KLF8: variants seen among roughly 807,000 people sequenced by gnomAD.
KLF8 encodes the protein Krueppel-like factor 8.
A neutral mutation model predicts 18.2 loss-of-function variants in KLF8; 10 were observed. The ratio of observed to expected loss-of-function variants is 0.55; its 90% CI spans 0.34 to 0.93. The LOEUF (loss-of-function observed/expected upper bound fraction) is 0.93. Ranked by LOEUF, KLF8 falls within the 40% of genes least tolerant of loss-of-function variation. The pLI is 0.02. For synonymous variants in KLF8, 109 were observed against 97.3 expected (o/e 1.12, Z -0.71); for missense variants, 264 against 277.9 (o/e 0.95, Z 0.36).
At chrX:55,948,930 A>G in the KLF8 span, among the ~76,000 whole-genome samples, 1 of 112,366 alleles carries the variant, frequency 8.9e-6, no homozygotes, top group Non-Finnish European at 1.9e-5. Flanking sequence ...TTATTCTAGC[A>G]ATAATTATTC....
the KLF8 span, among the ~76,000 whole-genome samples, chrX:56,012,706 A>G: frequency 6.3e-5 from 7 of 111,601 alleles, no homozygotes; most frequent in Admixed American, 1.9e-4. Flanking sequence ...CCATCATCTC[A>G]GCCCAAAAGC....
At chrX:55,942,538 A>G in the KLF8 span, among the ~76,000 whole-genome samples, 2 of 111,816 alleles carry the variant, frequency 1.8e-5, no homozygotes, top group Non-Finnish European at 3.8e-5. Flanking sequence ...ATTAATAAAA[A>G]AAGAATCTAG....
chrX:55,923,782 A>G, the KLF8 span, among the ~76,000 whole-genome samples: 1 of 109,177 alleles, frequency 9.2e-6, no homozygotes, highest in African/African-American at 3.4e-5. Flanking sequence ...GTGTGTATGT[A>G]TATATATATA....
the KLF8 span, among the ~76,000 whole-genome samples, chrX:56,076,494 T>C: frequency 9.0e-6 from 1 of 111,413 alleles, no homozygotes; most frequent in Admixed American, 9.5e-5. Context: ...GACTGCATAG[T>C]ATTCCATGGT....
chrX:56,247,496 T>G (rs2066638151), intron 1 of KLF8, among the ~76,000 whole-genome samples: 1 of 112,351 alleles, frequency 8.9e-6, no homozygotes, highest in Non-Finnish European at 1.9e-5. Context: ...AACCTTAGCT[T>G]ACTATAACTT....
At chrX:56,004,972 G>T in the KLF8 span, among the ~76,000 whole-genome samples, 2 of 110,810 alleles carry the variant, frequency 1.8e-5, no homozygotes, top group Admixed American at 9.6e-5. Flanking sequence ...TTAAATTAAT[G>T]ACTGCTAGCC....
chrX:55,973,566 T>C, the KLF8 span, among the ~76,000 whole-genome samples: 1 of 112,220 alleles, frequency 8.9e-6, no homozygotes. Flanking sequence ...AAAGAGGACA[T>C]ACATGCTATC....
chrX:55,925,027 T>A, the KLF8 span, among the ~76,000 whole-genome samples: 3 of 103,837 alleles, frequency 2.9e-5, no homozygotes, highest in South Asian at 1.3e-3. Flanking sequence ...AGCTAATTTT[T>A]TTTTTTTTTT....
chrX:56,196,393 C>A, the KLF8 span, among the ~76,000 whole-genome samples: 2 of 108,975 alleles, frequency 1.8e-5, no homozygotes, highest in Non-Finnish European at 3.8e-5. Context: ...GAAGATTTAC[C>A]AAGCAAATGG....
At chrX:56,162,389 G>A in the KLF8 span, among the ~76,000 whole-genome samples, 13 of 112,238 alleles carry the variant, frequency 1.2e-4, 1 homozygote, top group Middle Eastern at 0.032. Context: ...GAGGCAGGCA[G>A]GCCTCCTTGA....
the KLF8 span, among the ~76,000 whole-genome samples, chrX:56,053,156 C>T: frequency 5.3e-5 from 6 of 112,236 alleles, no homozygotes; most frequent in African/African-American, 9.7e-5. Context: ...CACTGACCTG[C>T]GCCCACTGTC....
the KLF8 span, chrX:55,961,319 G>A: frequency 4.3e-5 from 18 of 419,837 alleles, no homozygotes; most frequent in Middle Eastern, 1.5e-3. Context: ...GTGGAGATGG[G>A]ACTTCCAGAT....
chrX:56,118,270 T>G, the KLF8 span, among the ~76,000 whole-genome samples: 4 of 111,488 alleles, frequency 3.6e-5, no homozygotes, highest in African/African-American at 9.8e-5. Context: ...TGTATATATA[T>G]AAAGCACTTA....
chrX:55,946,195 A>G, the KLF8 span, among the ~76,000 whole-genome samples: 3 of 111,898 alleles, frequency 2.7e-5, no homozygotes, highest in African/African-American at 9.8e-5. Flanking sequence ...CTAAGCCAAA[A>G]GAAGAAAGCT....
chrX:56,162,681 A>C, the KLF8 span, among the ~76,000 whole-genome samples: 1 of 111,496 alleles, frequency 9.0e-6, no homozygotes, highest in African/African-American at 3.3e-5. Flanking sequence ...CCTGTCTTTG[A>C]CTAGGAAAGG....
At chrX:56,140,633 G>A in the KLF8 span, among the ~76,000 whole-genome samples, 2 of 109,576 alleles carry the variant, frequency 1.8e-5, no homozygotes, top group Non-Finnish European at 3.8e-5. Flanking sequence ...GGTGAAGATC[G>A]AAAAACTGCT....
chrX:56,172,888 G>C, the KLF8 span, among the ~76,000 whole-genome samples: 3 of 112,019 alleles, frequency 2.7e-5, no homozygotes, highest in South Asian at 3.7e-4. Context: ...GTGTCTTTTG[G>C]CTGCATAAAT....
chrX:56,076,539 A>G, the KLF8 span, among the ~76,000 whole-genome samples: 2 of 110,967 alleles, frequency 1.8e-5, no homozygotes, highest in Non-Finnish European at 3.8e-5. Flanking sequence ...CCAGTCTATC[A>G]TTGTTGGACA....
the KLF8 span, among the ~76,000 whole-genome samples, chrX:55,940,448 T>A: frequency 7.2e-5 from 8 of 111,834 alleles, no homozygotes; most frequent in African/African-American, 2.6e-4. Context: ...ACTGGAAGCA[T>A]TCCCTTTGAA....
Sources: allele counts gnomAD v4.1 joint callset (sites outside exome capture counted in the v4.1 genomes callset), GRCh38; gene constraint gnomAD v4.1.1; transcripts MANE v1.5; gene names NCBI Gene and HGNC (gene_info 2026-07-23, HGNC 2026-07-21).